SGCZ: variants seen among roughly 807,000 people sequenced by gnomAD.
SGCZ encodes the protein sarcoglycan zeta, also known as zeta-sarcoglycan.
A neutral mutation model predicts 41.3 loss-of-function variants in SGCZ; 40 were observed. The observed-to-expected ratio is 0.97, with a 90% CI of 0.75 to 1.26. The LOEUF (loss-of-function observed/expected upper bound fraction) is 1.26. SGCZ is among the 50% of genes most tolerant of loss of function. SGCZ has a pLI of 0.00. For synonymous variants in SGCZ, 206 were observed against 137.5 expected (o/e 1.50, Z -3.49); for missense variants, 552 against 369.8 (o/e 1.49, Z -4.04).
intron 2 of SGCZ, among the ~76,000 whole-genome samples, chr8:14,415,126 C>G (rs1466771256): frequency 1.3e-5 from 2 of 151,704 alleles, no homozygotes; most frequent in Non-Finnish European, 2.9e-5. Context: ...CAGTGACTTT[C>G]AAAGAAATAC....
chr8:15,233,561 C>G (rs1317838730), intron 1 of SGCZ, among the ~76,000 whole-genome samples: 1 of 151,880 alleles, frequency 6.6e-6, no homozygotes, highest in Non-Finnish European at 1.5e-5. Flanking sequence ...TTTTTCCTCA[C>G]CTATCTAGGG....
intron 2 of SGCZ, among the ~76,000 whole-genome samples, chr8:14,457,672 G>C (rs1008996046): frequency 3.9e-5 from 6 of 152,190 alleles, no homozygotes; most frequent in Admixed American, 3.3e-4. Flanking sequence ...CTGATATGCA[G>C]AAATAATGGG....
intron 1 of SGCZ, among the ~76,000 whole-genome samples, chr8:15,142,974 T>C (rs953057078): frequency 5.3e-5 from 8 of 152,190 alleles, no homozygotes; most frequent in African/African-American, 1.9e-4. Flanking sequence ...AAAAATATTA[T>C]GCTAAGGGTT....
chr8:14,601,634 A>T (rs546850667), intron 1 of SGCZ, among the ~76,000 whole-genome samples: 6 of 152,198 alleles, frequency 3.9e-5, no homozygotes, highest in Non-Finnish European at 5.9e-5. Flanking sequence ...ATCTGTACAC[A>T]ATCCTCACTG....
At chr8:14,747,705 T>TTGTGTG (rs59524830) in intron 1 of SGCZ, among the ~76,000 whole-genome samples, 2,622 of 136,582 alleles carry the variant, frequency 0.019, 37 homozygotes, top group South Asian at 0.039. Context: ...GTGTGTGTAT[T>TTGTGTG]TGTGTGTGTG....
At chr8:14,149,957 T>A (rs1292658919) in intron 5 of SGCZ, among the ~76,000 whole-genome samples, 1 of 152,096 alleles carries the variant, frequency 6.6e-6, no homozygotes, top group South Asian at 2.1e-4. Flanking sequence ...GGCATTGGGA[T>A]AACTGGATAT....
intron 2 of SGCZ, among the ~76,000 whole-genome samples, chr8:14,361,735 T>A (rs576377180): frequency 2.8e-4 from 42 of 152,292 alleles, no homozygotes; most frequent in African/African-American, 9.4e-4. Flanking sequence ...GGTGAGGAGT[T>A]GTGTTCCTTT....
At chr8:14,920,613 C>T (rs1799561106) in intron 1 of SGCZ, among the ~76,000 whole-genome samples, 1 of 152,040 alleles carries the variant, frequency 6.6e-6, no homozygotes, top group Non-Finnish European at 1.5e-5. Context: ...AAGAAGATAT[C>T]ATAGAGGAGG....
intron 5 of SGCZ, among the ~76,000 whole-genome samples, chr8:14,113,797 T>A (rs1328194641): frequency 6.6e-6 from 1 of 152,058 alleles, no homozygotes; most frequent in Non-Finnish European, 1.5e-5. Context: ...TCTGTAGAAG[T>A]CAAGCCCAGA....
intron 1 of SGCZ, among the ~76,000 whole-genome samples, chr8:14,971,782 A>G (rs1801306916): frequency 6.6e-6 from 1 of 151,082 alleles, no homozygotes; most frequent in African/African-American, 2.4e-5. Context: ...CCCAAGTAGC[A>G]GGGACCACAG....
At chr8:15,236,136 C>A (rs771308449) in intron 1 of SGCZ, among the ~76,000 whole-genome samples, 2 of 152,202 alleles carry the variant, frequency 1.3e-5, no homozygotes, top group African/African-American at 2.4e-5. Flanking sequence ...ACTCAGTCTT[C>A]GGTGGAAGTG....
In SGCZ at chr8:14,774,097, A is replaced by G. The variant is rs368716137; in HGVS notation, c.40-219171T>C. 7.9e-5 allele frequency among the ~76,000 whole-genome samples: 12 copies of G among 152,248 alleles called. No homozygotes were observed. In the East Asian group the frequency reaches 1.5e-3, roughly 20 times the overall value. On this transcript the variant is annotated intron_variant, in intron 1 of 7. Coordinates refer to ENST00000382080, the MANE Select transcript of SGCZ (RefSeq NM_139167.4). ...TTTCGTTGAGATTAACATTTAAATCACTGGATTTTGAGTAAAGCAGACTGC... is the reference window on the plus strand; with the variant it reads ...TTTCGTTGAGATTAACATTTAAATCGCTGGATTTTGAGTAAAGCAGACTGC...
chr8:14,702,140 G>C (rs138224478), intron 1 of SGCZ, among the ~76,000 whole-genome samples: 2,296 of 152,018 alleles, frequency 0.015, 29 homozygotes, highest in South Asian at 0.066. Flanking sequence ...AATGCTCAGT[G>C]CTCACTTTGC....
chr8:14,200,545 T>G (rs1019048317), intron 4 of SGCZ, among the ~76,000 whole-genome samples: 3 of 152,166 alleles, frequency 2.0e-5, no homozygotes, highest in Non-Finnish European at 4.4e-5. Flanking sequence ...GTATGAGACC[T>G]GAACATATAA....
intron 2 of SGCZ, among the ~76,000 whole-genome samples, chr8:14,526,441 T>A (rs1435292912): frequency 6.6e-6 from 1 of 152,106 alleles, no homozygotes; most frequent in Non-Finnish European, 1.5e-5. Flanking sequence ...CTCAATTACA[T>A]GGGAAATTAT....
chr8:15,132,097 T>C (rs914450954), intron 1 of SGCZ, among the ~76,000 whole-genome samples: 2 of 152,220 alleles, frequency 1.3e-5, no homozygotes, highest in Non-Finnish European at 2.9e-5. Context: ...TTTGCTTACT[T>C]AAAGCCATTA....
chr8:14,329,392 T>G (rs530323258), intron 2 of SGCZ, among the ~76,000 whole-genome samples: 2 of 152,292 alleles, frequency 1.3e-5, no homozygotes, highest in East Asian at 3.9e-4. Flanking sequence ...TTCCCTTTAC[T>G]TGTGGGTTAT....
intron 1 of SGCZ, among the ~76,000 whole-genome samples, chr8:14,921,176 C>T (rs548980313): frequency 6.6e-6 from 1 of 152,144 alleles, no homozygotes; most frequent in Non-Finnish European, 1.5e-5. Context: ...CTCAGCTTCC[C>T]GCATTCCCTT....
At chr8:14,645,164 T>C (rs1807166558) in intron 1 of SGCZ, among the ~76,000 whole-genome samples, 1 of 151,684 alleles carries the variant, frequency 6.6e-6, no homozygotes, top group Non-Finnish European at 1.5e-5. Flanking sequence ...CAACTTAAAC[T>C]ATAAAATGAG....
Sources: gnomAD v4.1 joint callset for allele counts (sites outside exome capture counted in the v4.1 genomes callset) on GRCh38, gnomAD v4.1.1 for gene constraint, MANE v1.5 for transcripts, NCBI Gene and HGNC (gene_info 2026-07-23, HGNC 2026-07-21) for gene names.